PARD3B: variants seen among roughly 807,000 people sequenced by gnomAD.
PARD3B encodes the protein partitioning defective 3 homolog B.
Under a neutral mutation model 130.2 loss-of-function variants are expected in PARD3B, and 103 were observed. The observed-to-expected ratio is 0.79, with a 90% confidence interval of 0.67 to 0.93. The LOEUF (loss-of-function observed/expected upper bound fraction) is 0.93. Ranked by LOEUF, PARD3B falls within the 40% of genes least tolerant of loss-of-function variation. The pLI is 0.00. For missense variants in PARD3B, 1,609 were observed against 1,499.2 expected (o/e 1.07, Z -1.21); for synonymous variants, 583 against 553.2 (o/e 1.05, Z -0.76).
chr2:205,035,581 C>T (rs1476767075), intron 3 of PARD3B, among the ~76,000 whole-genome samples: 2 of 151,732 alleles, frequency 1.3e-5, no homozygotes, highest in Non-Finnish European at 2.9e-5. Context: ...AGCACAGCCA[C>T]ATCATTACTT....
At chr2:205,041,676 T>C (rs1698406068) in intron 3 of PARD3B, among the ~76,000 whole-genome samples, 1 of 151,948 alleles carries the variant, frequency 6.6e-6, no homozygotes, top group Non-Finnish European at 1.5e-5. Flanking sequence ...ATGACACCAA[T>C]ATTGGTGACA....
intron 3 of PARD3B, among the ~76,000 whole-genome samples, chr2:205,001,539 C>G (rs1349483745): frequency 6.6e-6 from 1 of 152,226 alleles, no homozygotes; most frequent in Non-Finnish European, 1.5e-5. Context: ...CAGGCACCGT[C>G]AGCTGAAGCT....
At chr2:204,986,064 G>T (rs1330859739) in intron 3 of PARD3B, among the ~76,000 whole-genome samples, 1 of 123,468 alleles carries the variant, frequency 8.1e-6, no homozygotes, top group Non-Finnish European at 1.6e-5. Flanking sequence ...TAGTGCCATT[G>T]CATTCCAGCC....
intron 3 of PARD3B, among the ~76,000 whole-genome samples, chr2:205,019,125 A>G (rs916838554): frequency 6.6e-6 from 1 of 151,964 alleles, no homozygotes; most frequent in African/African-American, 2.4e-5. Context: ...TCTTAGCAAT[A>G]CTCCCCAATT....
At chr2:204,879,937 T>A (rs1412573428) in intron 2 of PARD3B, among the ~76,000 whole-genome samples, 1 of 152,232 alleles carries the variant, frequency 6.6e-6, no homozygotes, top group Non-Finnish European at 1.5e-5. Context: ...TGAAATAGAC[T>A]CTAACTGATG....
intron 3 of PARD3B, among the ~76,000 whole-genome samples, chr2:205,033,919 A>G (rs1380506213): frequency 6.6e-6 from 1 of 152,184 alleles, no homozygotes; most frequent in East Asian, 1.9e-4. Context: ...CTGTGCATCT[A>G]CTGGGATTGT....
At chr2:204,871,313 ACAACT>A (rs1469325179) in intron 2 of PARD3B, among the ~76,000 whole-genome samples, 2 of 152,272 alleles carry the variant, frequency 1.3e-5, no homozygotes, top group Non-Finnish European at 2.9e-5. Context: ...TAGACTATAA[ACAACT>A]CAACAGACTC....
intron 2 of PARD3B, among the ~76,000 whole-genome samples, chr2:204,742,920 G>T (rs1481860658): frequency 6.6e-6 from 1 of 152,130 alleles, no homozygotes; most frequent in African/African-American, 2.4e-5. Context: ...AAGTAAAAGA[G>T]ATTTCATTTA....
At position 205,469,188 on chromosome 2, in the gene PARD3B, A is replaced by G. The variant is rs527854598; in HGVS notation, c.3044+28516A>G. 2.6e-5 allele frequency among the ~76,000 whole-genome samples: 4 copies of G among 152,286 alleles called. No individual in the cohort carries two copies. The South Asian group carries it at 8.3e-4, about 32-fold the overall frequency. ...TAGTTCCTAAAGCATTGGGTAGTCA[A>G]TAAATATGTATCGAATGAATGAATG... On this transcript the variant is annotated intron_variant, in intron 20 of 22. Transcript: ENST00000406610.
intron 1 of PARD3B, among the ~76,000 whole-genome samples, chr2:204,587,437 A>G (rs1242974507): frequency 1.3e-5 from 2 of 152,198 alleles, no homozygotes; most frequent in Non-Finnish European, 2.9e-5. Context: ...GATAAATGGA[A>G]TTGTTGGTAG....
chr2:205,153,807 A>G lies in PARD3B; in HGVS notation c.1435-4915A>G, dbSNP rs370824828. The stretch of plus-strand genomic sequence containing the variant: ...ACAAGAAATGGGGAAAGGATTCCCT[A>G]TTTAATAAATGGTGCTGGGAAAACT... On this transcript the variant is annotated intron_variant, in intron 10 of 22. Transcript: ENST00000406610. Among the ~76,000 whole-genome samples, 53 of 152,342 alleles carry G rather than the reference A, an allele frequency of 3.5e-4. No homozygotes were observed. In the East Asian group the frequency reaches 9.6e-3, roughly 28 times the overall value.
chr2:205,185,913 G>A (rs770242831), intron 14 of PARD3B, 50 bp downstream of exon 14: 19 of 1,436,504 alleles, frequency 1.3e-5, no homozygotes, highest in South Asian at 2.3e-5. Flanking sequence ...TGTTTTTCTG[G>A]GAGAACACAG....
At chr2:204,727,003 C>CTT (rs2039261287) in intron 2 of PARD3B, among the ~76,000 whole-genome samples, 1 of 152,192 alleles carries the variant, frequency 6.6e-6, no homozygotes, top group South Asian at 2.1e-4. Context: ...CTTCCCTTCC[C>CTT]CGCCCTGCAC....
intron 4 of PARD3B, among the ~76,000 whole-genome samples, chr2:205,067,379 G>C (rs1169496627): frequency 6.6e-6 from 1 of 151,878 alleles, no homozygotes. Context: ...GCATAGGCTG[G>C]CCTCAAACTC....
At chr2:204,979,139 G>A (rs868089975) in intron 3 of PARD3B, among the ~76,000 whole-genome samples, 1 of 151,654 alleles carries the variant, frequency 6.6e-6, no homozygotes, top group Non-Finnish European at 1.5e-5. Flanking sequence ...CTGGGAGGCG[G>A]AGCTTGCAGT....
chr2:205,477,520 C>T (rs1406471525), intron 20 of PARD3B, among the ~76,000 whole-genome samples: 1 of 151,892 alleles, frequency 6.6e-6, no homozygotes, highest in African/African-American at 2.4e-5. Flanking sequence ...TTAACAAAAG[C>T]AATAAAATGA....
rs553890999 is a variant in PARD3B, at chr2:205,013,750, A to G, written c.395-33831A>G. On this transcript the variant is annotated intron_variant, in intron 3 of 22. Coordinates refer to ENST00000406610, the MANE Select transcript of PARD3B (RefSeq NM_001302769.2). ...TCTGCAGGTCTGTGGTCAGCGCTGG[A>G]GGTTGAAAACCATTTTAAATGAGCA... Among the ~76,000 whole-genome samples the G allele has an allele frequency of 9.8e-5, 15 of 152,338 alleles. No individual in the cohort carries two copies. The South Asian group carries it at 3.1e-3, about 32-fold the overall frequency.
intron 2 of PARD3B, among the ~76,000 whole-genome samples, chr2:204,840,643 AGGC>A (rs2044226768): frequency 1.3e-5 from 2 of 152,080 alleles, no homozygotes; most frequent in African/African-American, 4.8e-5. Flanking sequence ...ATATTGTATG[AGGC>A]AAATACGTGT....
intron 1 of PARD3B, among the ~76,000 whole-genome samples, chr2:204,577,866 C>T (rs576189748): frequency 6.6e-6 from 1 of 152,192 alleles, no homozygotes; most frequent in Non-Finnish European, 1.5e-5. Flanking sequence ...CTGTGCCCAG[C>T]CAGTTTTCTC....
Sources: allele counts gnomAD v4.1 joint callset (sites outside exome capture counted in the v4.1 genomes callset), GRCh38; gene constraint gnomAD v4.1.1; transcripts MANE v1.5; gene names NCBI Gene and HGNC (gene_info 2026-07-23, HGNC 2026-07-21).